Variants in PDGFC observed in about 807,000 individuals in gnomAD.
The protein encoded by PDGFC is platelet derived growth factor C.
In PDGFC, 12 loss-of-function variants were observed where a neutral mutation model predicts 35.5. The ratio of observed to expected loss-of-function variants is 0.34; its 90% CI spans 0.22 to 0.55. The LOEUF (loss-of-function observed/expected upper bound fraction) is 0.55. Ranked by LOEUF, PDGFC falls within the 20% of genes least tolerant of loss-of-function variation. The probability of loss-of-function intolerance (pLI) is 0.91; values close to 1 mark genes in which losing one functional copy is unlikely to be tolerated. For missense variants in PDGFC, 322 were observed against 412.4 expected, an observed-to-expected ratio of 0.78 and a Z score of 1.90; for synonymous variants, 159 against 148.8, an observed-to-expected ratio of 1.07 and a Z score of -0.50.
chr4:156,891,466 A>G (rs1730508459), intron 1 of PDGFC, among the ~76,000 whole-genome samples: 1 of 152,170 alleles, frequency 6.6e-6, no homozygotes, highest in Non-Finnish European at 1.5e-5. Flanking sequence ...TTAATTTACA[A>G]AGTGTTTCAG....
At chr4:156,851,002 G>A (rs1052445740) in intron 1 of PDGFC, among the ~76,000 whole-genome samples, 2 of 152,110 alleles carry the variant, frequency 1.3e-5, no homozygotes, top group African/African-American at 4.8e-5. Flanking sequence ...TCTTTGAAAT[G>A]TCAATTAGCA....
intron 2 of PDGFC, among the ~76,000 whole-genome samples, chr4:156,829,777 G>C (rs999845585): frequency 6.6e-6 from 1 of 151,832 alleles, no homozygotes; most frequent in Non-Finnish European, 1.5e-5. Context: ...TTATTATCTC[G>C]TGAGTTATAT....
rs1323591798 is a variant in PDGFC, at chr4:156,870,489, G to A, written c.119-20073C>T. Among the ~76,000 whole-genome samples, 3 of 152,206 alleles carry A rather than the reference G, an allele frequency of 2.0e-5. No individual in the cohort carries two copies. In the Middle Eastern group the frequency reaches 0.01, roughly 518 times the overall value. The stretch of plus-strand genomic sequence containing the variant: ...ATATTATTATCTTCTACTTCATAGA[G>A]AGTTTCCTTTATTCTGTTTCTATGG... On this transcript the variant is annotated intron_variant, in intron 1 of 5. Coordinates refer to ENST00000502773, the MANE Select transcript of PDGFC (RefSeq NM_016205.3).
intron 1 of PDGFC, among the ~76,000 whole-genome samples, chr4:156,946,102 T>A (rs1157340156): frequency 6.6e-6 from 1 of 152,034 alleles, no homozygotes; most frequent in Non-Finnish European, 1.5e-5. Context: ...TCCTGCCTAT[T>A]AAAAACAGCC....
chr4:156,903,679 G>T (rs552980798), intron 1 of PDGFC, among the ~76,000 whole-genome samples: 1 of 152,216 alleles, frequency 6.6e-6, no homozygotes, highest in South Asian at 2.1e-4. Flanking sequence ...CAGCATACCT[G>T]CCAGTGAAAT....
chr4:156,881,478 A>G (rs931491633), intron 1 of PDGFC, among the ~76,000 whole-genome samples: 2 of 152,078 alleles, frequency 1.3e-5, no homozygotes, highest in Admixed American at 1.3e-4. Flanking sequence ...GTGTTGTGGG[A>G]GGGACCCAGC....
At chr4:156,809,096 A>C (rs1224271958) in intron 3 of PDGFC, among the ~76,000 whole-genome samples, 6 of 151,756 alleles carry the variant, frequency 4.0e-5, no homozygotes, top group Non-Finnish European at 7.4e-5. Flanking sequence ...TACTCCCCAC[A>C]TGTCTCCATT....
chr4:156,837,677 G>A (rs1369211432), intron 2 of PDGFC, among the ~76,000 whole-genome samples: 1 of 152,078 alleles, frequency 6.6e-6, no homozygotes, highest in East Asian at 1.9e-4. Context: ...GCAAGGAAGT[G>A]ATCTTTGTGC....
At chr4:156,839,065 T>C (rs1009102809) in intron 2 of PDGFC, among the ~76,000 whole-genome samples, 3 of 152,334 alleles carry the variant, frequency 2.0e-5, no homozygotes, top group Admixed American at 1.3e-4. Context: ...ATTAAGCGAC[T>C]GAGCTAAAGC....
At chr4:156,776,742 A>G (rs1730839842) in intron 3 of PDGFC, among the ~76,000 whole-genome samples, 1 of 152,246 alleles carries the variant, frequency 6.6e-6, no homozygotes, top group Non-Finnish European at 1.5e-5. Flanking sequence ...GAATGACAAC[A>G]TGATAATGAG....
intron 3 of PDGFC, among the ~76,000 whole-genome samples, chr4:156,783,005 T>G (rs2110853353): frequency 6.6e-6 from 1 of 152,304 alleles, no homozygotes; most frequent in Admixed American, 6.5e-5. Flanking sequence ...TGAGTGTGAT[T>G]AATTCTGCCT....
intron 1 of PDGFC, among the ~76,000 whole-genome samples, chr4:156,893,274 G>C (rs17035412): frequency 6.6e-6 from 1 of 151,642 alleles, no homozygotes; most frequent in African/African-American, 2.4e-5. Context: ...TTTTAACTTC[G>C]TTCAGGTGAT....
At chr4:156,842,951 C>G (rs896220470) in intron 2 of PDGFC, among the ~76,000 whole-genome samples, 4 of 152,126 alleles carry the variant, frequency 2.6e-5, no homozygotes, top group Non-Finnish European at 4.4e-5. Context: ...TAGATTACTT[C>G]TTATTTAAAG....
At chr4:156,826,391 C>G (rs548342551) in intron 2 of PDGFC, among the ~76,000 whole-genome samples, 1 of 151,580 alleles carries the variant, frequency 6.6e-6, no homozygotes, top group Non-Finnish European at 1.5e-5. Flanking sequence ...TTAGTAGAGA[C>G]AGGGTTTCAC....
intron 2 of PDGFC, among the ~76,000 whole-genome samples, chr4:156,820,491 G>A (rs1732221261): frequency 6.6e-6 from 1 of 152,180 alleles, no homozygotes. Flanking sequence ...CTGATATAAT[G>A]CTACTGCATA....
chr4:156,879,862 A>G (rs1475501689), intron 1 of PDGFC, among the ~76,000 whole-genome samples: 2 of 152,224 alleles, frequency 1.3e-5, no homozygotes, highest in Non-Finnish European at 2.9e-5. Flanking sequence ...GCTGAGCTAA[A>G]TAAAGTTTTT....
chr4:156,817,394 A>T (rs147847712), intron 2 of PDGFC, among the ~76,000 whole-genome samples: 40 of 152,328 alleles, frequency 2.6e-4, no homozygotes, highest in African/African-American at 9.6e-4. Context: ...CACAAGTAAG[A>T]CTATATTTTA....
intron 1 of PDGFC, among the ~76,000 whole-genome samples, chr4:156,918,764 C>CA (rs372409182): frequency 1.6e-4 from 24 of 152,222 alleles, no homozygotes; most frequent in African/African-American, 5.1e-4. Flanking sequence ...TCCCTGGTGC[C>CA]AAAAAGGTCA....
chr4:156,888,955 T>C (rs934249469), intron 1 of PDGFC, among the ~76,000 whole-genome samples: 2 of 152,230 alleles, frequency 1.3e-5, no homozygotes, highest in Non-Finnish European at 2.9e-5. Flanking sequence ...TTTTGAGGTA[T>C]TCTAATGTTG....
Sources: allele counts gnomAD v4.1 joint callset (sites outside exome capture counted in the v4.1 genomes callset), GRCh38; gene constraint gnomAD v4.1.1; transcripts MANE v1.5; gene names NCBI Gene and HGNC (gene_info 2026-07-23, HGNC 2026-07-21).